Variants in RASEF observed in about 807,000 individuals in gnomAD.
RASEF encodes ras and EF-hand domain-containing protein.
RASEF carries 68 observed loss-of-function variants against 90.1 expected under a neutral mutation model. The ratio of observed to expected loss-of-function variants is 0.75; its 90% CI spans 0.62 to 0.92. The LOEUF (loss-of-function observed/expected upper bound fraction) is 0.92. Ranked by LOEUF, RASEF falls within the 40% of genes least tolerant of loss-of-function variation. The pLI, the probability that RASEF is intolerant of heterozygous loss-of-function variation, is 0.00. For missense variants in RASEF, 949 were observed against 937.2 expected (o/e 1.01, Z -0.16); for synonymous variants, 331 against 345.2 (o/e 0.96, Z 0.46).
chr9:83,046,895 C>T (rs1226706700), intron 1 of RASEF, among the ~76,000 whole-genome samples: 1 of 152,154 alleles, frequency 6.6e-6, no homozygotes, highest in Non-Finnish European at 1.5e-5. Context: ...CCACTGCATT[C>T]GGATTTCAGA....
chr9:83,116,801 A>G, the RASEF span, among the ~76,000 whole-genome samples: 11 of 148,214 alleles, frequency 7.4e-5, no homozygotes, highest in Admixed American at 6.6e-4. Context: ...ATTTGGGGGA[A>G]AAATCATTAA....
At chr9:83,142,983 G>T in the RASEF span, among the ~76,000 whole-genome samples, 1 of 152,082 alleles carries the variant, frequency 6.6e-6, no homozygotes, top group Non-Finnish European at 1.5e-5. Flanking sequence ...AGTAATTAAT[G>T]GTCTGTTATC....
At chr9:83,059,218 G>C (rs565677481) in intron 1 of RASEF, among the ~76,000 whole-genome samples, 1 of 151,384 alleles carries the variant, frequency 6.6e-6, no homozygotes, top group Non-Finnish European at 1.5e-5. Flanking sequence ...CTGACTAGAG[G>C]TCAGAGAAGA....
the RASEF span, among the ~76,000 whole-genome samples, chr9:83,087,976 A>G: frequency 2.0e-5 from 3 of 152,040 alleles, no homozygotes; most frequent in African/African-American, 7.2e-5. Flanking sequence ...TTATTTTCTG[A>G]TTTCCATTGT....
chr9:83,106,923 C>A, the RASEF span, among the ~76,000 whole-genome samples: 1 of 152,132 alleles, frequency 6.6e-6, no homozygotes. Context: ...TCCTGTCACA[C>A]GTGTCTGGCA....
At chr9:83,088,128 T>C in the RASEF span, among the ~76,000 whole-genome samples, 1 of 152,116 alleles carries the variant, frequency 6.6e-6, no homozygotes, top group South Asian at 2.1e-4. Flanking sequence ...TTTATATTTA[T>C]TGAGATTTGT....
intron 1 of RASEF, among the ~76,000 whole-genome samples, chr9:83,053,861 T>G (rs1398116541): frequency 4.4e-4 from 34 of 78,136 alleles, no homozygotes; most frequent in Non-Finnish European, 7.6e-4. Context: ...TTAAGAATGT[T>G]GAATATTGGC....
chr9:83,080,332 T>TA, the RASEF span, among the ~76,000 whole-genome samples: 1 of 152,246 alleles, frequency 6.6e-6, no homozygotes, highest in East Asian at 1.9e-4. Flanking sequence ...AATGGAAATG[T>TA]AAGAGAGTTC....
At chr9:83,023,327 C>T (rs551329942) in intron 2 of RASEF, among the ~76,000 whole-genome samples, 1 of 152,296 alleles carries the variant, frequency 6.6e-6, no homozygotes, top group Non-Finnish European at 1.5e-5. Context: ...AGACAGAGCA[C>T]ATTGATTTGC....
Position 82,982,457 on chromosome 9 carries a change from T to C in RASEF, c.*220A>G. On this transcript the variant is annotated 3_prime_UTR_variant, in exon 17 of 17. Coordinates refer to ENST00000376447, the MANE Select transcript of RASEF (RefSeq NM_152573.4). The stretch of plus-strand genomic sequence containing the variant: ...TTATCTTTTAAGACCTGTAAGGACA[T>C]GACTAGTCTATTTAGCCAGAGGGCC... The C allele has an allele frequency of 2.2e-6, 1 of 453,094 alleles. No homozygotes were observed. The highest frequency in any genetic ancestry group is 4.0e-6 in the Non-Finnish European group (1 of 248,440). 28.1% of individuals were successfully genotyped at this position (453,094 alleles called of 1,614,324 possible).
the RASEF span, among the ~76,000 whole-genome samples, chr9:83,153,577 T>C: frequency 1.3e-3 from 195 of 152,352 alleles, no homozygotes; most frequent in African/African-American, 4.6e-3. Flanking sequence ...CTTTCCTTCC[T>C]GGAAGTTACA....
Position 82,993,007 on chromosome 9 carries a change from C to T in RASEF, c.1939G>A (p.Val647Ile), listed in dbSNP as rs140679572. 1.7e-5 allele frequency: 28 copies of T among 1,613,712 alleles called. No individual in the cohort carries two copies. The African/African-American group carries it at 3.2e-4, about 18-fold the overall frequency. Residue 647 changes from valine to isoleucine, a missense_variant, in exon 15 of 17, where the codon GTT (valine) becomes ATT (isoleucine). Transcript: ENST00000376447. Reference protein sequence around the residue: ...DMIEDAAHETVPIMLVGNKAD... With the variant: ...DMIEDAAHETIPIMLVGNKAD... Reference sequence around the variant, plus strand: ...TTGTTTCCTACCAGCATAATGGGAACAGTCTCATGGGCTGCATCCTACCAG... The same window carrying T: ...TTGTTTCCTACCAGCATAATGGGAATAGTCTCATGGGCTGCATCCTACCAG...
At chr9:83,091,047 C>G in the RASEF span, among the ~76,000 whole-genome samples, 1 of 152,148 alleles carries the variant, frequency 6.6e-6, no homozygotes, top group African/African-American at 2.4e-5. Flanking sequence ...TACTGACAGG[C>G]TCTGTGTATG....
At chr9:83,205,924 TTTGGGGG>T in the RASEF span, among the ~76,000 whole-genome samples, 1 of 152,206 alleles carries the variant, frequency 6.6e-6, no homozygotes, top group Non-Finnish European at 1.5e-5. Context: ...TGAATATCAT[TTTGGGGG>T]CAGTAGAATA....
At chr9:83,115,365 C>T in the RASEF span, among the ~76,000 whole-genome samples, 2 of 152,058 alleles carry the variant, frequency 1.3e-5, no homozygotes, top group African/African-American at 2.4e-5. Context: ...AATACAAAAG[C>T]TAACATATGG....
the RASEF span, among the ~76,000 whole-genome samples, chr9:83,162,654 T>A: frequency 6.6e-6 from 1 of 152,308 alleles, no homozygotes; most frequent in Non-Finnish European, 1.5e-5. Flanking sequence ...CTTAGGTCTG[T>A]ATGAGAGGTG....
the RASEF span, among the ~76,000 whole-genome samples, chr9:83,169,246 C>A: frequency 6.6e-6 from 1 of 151,964 alleles, no homozygotes; most frequent in Non-Finnish European, 1.5e-5. Flanking sequence ...TTTATCCATT[C>A]ATTCACTGAT....
the RASEF span, among the ~76,000 whole-genome samples, chr9:83,092,406 GTTTC>G: frequency 6.6e-6 from 1 of 152,104 alleles, no homozygotes; most frequent in Non-Finnish European, 1.5e-5. Context: ...TATGTTCAGA[GTTTC>G]TTCCTTCTGG....
chr9:83,080,428 G>A, the RASEF span, among the ~76,000 whole-genome samples: 87 of 152,274 alleles, frequency 5.7e-4, no homozygotes, highest in East Asian at 0.015. Context: ...CCCACCCCAG[G>A]TGATAGAGCC....
Sources: allele counts gnomAD v4.1 joint callset (sites outside exome capture counted in the v4.1 genomes callset), GRCh38; gene constraint gnomAD v4.1.1; transcripts MANE v1.5; gene names NCBI Gene and HGNC (gene_info 2026-07-23, HGNC 2026-07-21).